The following CUX1 variants were observed in gnomAD, a reference collection of about 807,000 sequenced individuals.
CUX1 encodes the protein protein CASP.
Under a neutral mutation model 158.8 loss-of-function variants are expected in CUX1, and 31 were observed. That is an observed-to-expected ratio of 0.20 (90% CI 0.15 to 0.26). The LOEUF is 0.26. Among genes scored for constraint, CUX1 ranks in the 10% least tolerant of loss-of-function variants. The pLI is 1.00. For missense variants in CUX1, 1,589 were observed against 2,014.6 expected, an observed-to-expected ratio of 0.79 and a Z score of 4.04; for synonymous variants, 879 against 862.1, an observed-to-expected ratio of 1.02 and a Z score of -0.34.
intron 1 of CUX1, among the ~76,000 whole-genome samples, chr7:101,855,428 G>A (rs983955374): frequency 1.3e-5 from 2 of 152,204 alleles, no homozygotes; most frequent in Non-Finnish European, 1.5e-5. Context: ...TTTCTCATAG[G>A]TTGATAAGGA....
intron 2 of CUX1, among the ~76,000 whole-genome samples, chr7:102,013,547 G>A (rs1216878441): frequency 6.6e-6 from 1 of 152,136 alleles, no homozygotes; most frequent in African/African-American, 2.4e-5. Flanking sequence ...GTATTCAAAA[G>A]GCAGTTATTG....
Position 102,254,054 on chromosome 7 carries a change from C to T in CUX1, c.*5012C>T. 5.1e-6 allele frequency: 5 copies of T among 985,510 alleles called. No homozygotes were observed. The highest frequency in any genetic ancestry group is 6.0e-6 in the Non-Finnish European group (5 of 829,980). The allele number at this position is 985,510 out of a possible 1,614,324, so 61.0% of individuals were successfully genotyped here. On this transcript the variant is annotated 3_prime_UTR_variant, in exon 24 of 24. Transcript: ENST00000292535. ...GCAGCAGACACGAACATCCCTCTGCCTGGTGGGCCGGCTTTGTGTGTCTCT... is the reference window on the plus strand; with the variant it reads ...GCAGCAGACACGAACATCCCTCTGCTTGGTGGGCCGGCTTTGTGTGTCTCT...
chr7:102,234,922 C>CAA (rs377426981), intron 22 of CUX1, among the ~76,000 whole-genome samples: 2 of 145,218 alleles, frequency 1.4e-5, no homozygotes, highest in East Asian at 4.0e-4. Flanking sequence ...GACCCTATCT[C>CAA]AAAAAAAAAA....
At chr7:102,103,923 A>C (rs762724556) in intron 5 of CUX1, among the ~76,000 whole-genome samples, 1 of 152,078 alleles carries the variant, frequency 6.6e-6, no homozygotes. Flanking sequence ...AAATGCACAC[A>C]CTATTATGAA....
intron 6 of CUX1, among the ~76,000 whole-genome samples, chr7:102,108,945 G>T (rs1457594374): frequency 2.6e-5 from 4 of 151,992 alleles, no homozygotes; most frequent in African/African-American, 4.8e-5. Context: ...AGTAGAACAG[G>T]ATTTCACCAT....
chr7:101,934,099 AGAG>A (rs1806628633), intron 2 of CUX1, among the ~76,000 whole-genome samples: 1 of 152,214 alleles, frequency 6.6e-6, no homozygotes, highest in South Asian at 2.1e-4. Context: ...GTTAATCAGA[AGAG>A]AAGTTGTTTC....
At chr7:102,039,316 G>A (rs893335257) in intron 3 of CUX1, among the ~76,000 whole-genome samples, 1 of 152,138 alleles carries the variant, frequency 6.6e-6, no homozygotes, top group Non-Finnish European at 1.5e-5. Flanking sequence ...AAGTGCTAAG[G>A]TTGGTGTGCT....
chr7:102,146,333 G>A (rs1338053087), intron 8 of CUX1, among the ~76,000 whole-genome samples: 2 of 152,176 alleles, frequency 1.3e-5, no homozygotes, highest in Admixed American at 1.3e-4. Flanking sequence ...TCACGCTGGG[G>A]TCACACGCTC....
chr7:102,157,134 A>G (rs1338335490), intron 8 of CUX1, among the ~76,000 whole-genome samples: 1 of 152,174 alleles, frequency 6.6e-6, no homozygotes, highest in Non-Finnish European at 1.5e-5. Context: ...GTCCTGAGAA[A>G]GAGTGGCGGG....
chr7:102,076,153 C>G (rs1487324394), intron 4 of CUX1, among the ~76,000 whole-genome samples: 1 of 152,044 alleles, frequency 6.6e-6, no homozygotes, highest in East Asian at 1.9e-4. Context: ...GAGGCCGAAG[C>G]AGGCAGATCA....
At chr7:101,849,537 T>G (rs1218917563) in intron 1 of CUX1, among the ~76,000 whole-genome samples, 2 of 152,182 alleles carry the variant, frequency 1.3e-5, no homozygotes, top group Non-Finnish European at 2.9e-5. Flanking sequence ...TGCATAGTAT[T>G]CTGTGGTGTG....
chr7:102,188,219 G>C (rs1554515853), intron 11 of CUX1, among the ~76,000 whole-genome samples: 1 of 151,440 alleles, frequency 6.6e-6, no homozygotes, highest in Non-Finnish European at 1.5e-5. Context: ...AAAAAAAGAA[G>C]AAGAAGAACA....
intron 23 of CUX1, among the ~76,000 whole-genome samples, chr7:102,242,329 C>T (rs1233477220): frequency 6.6e-6 from 1 of 151,616 alleles, no homozygotes; most frequent in Non-Finnish European, 1.5e-5. Flanking sequence ...CCTGCCTCAG[C>T]CTCCTGAGTA....
At chr7:102,220,431 G>C (rs987199528) in intron 20 of CUX1, among the ~76,000 whole-genome samples, 5 of 152,212 alleles carry the variant, frequency 3.3e-5, no homozygotes, top group African/African-American at 1.2e-4. Context: ...CTCACTCCAG[G>C]CGTAAACCAC....
Position 102,252,173 on chromosome 7 carries a change from G to A in CUX1, c.*3131G>A. 1.0e-6 allele frequency: 1 copy of A among 985,300 alleles called. No individual in the cohort carries two copies. The highest frequency in any genetic ancestry group is 1.2e-6 in the Non-Finnish European group (1 of 829,918). 61.0% of individuals were successfully genotyped at this position (985,300 alleles called of 1,614,324 possible). A position where few individuals can be genotyped will look rare whatever the true frequency, so the allele number is the denominator to read the frequency against. On this transcript the variant is annotated 3_prime_UTR_variant, in exon 24 of 24. Coordinates refer to ENST00000292535, the MANE Select transcript of CUX1 (RefSeq NM_181552.4). The stretch of plus-strand genomic sequence containing the variant: ...ACCTTAGATCTTTGATGTGAAGCTA[G>A]CACTGTCTGTAATACTTCTAAGAGC...
At chr7:102,010,162 G>A (rs1817828121) in intron 2 of CUX1, among the ~76,000 whole-genome samples, 1 of 152,024 alleles carries the variant, frequency 6.6e-6, no homozygotes, top group Non-Finnish European at 1.5e-5. Context: ...CGGAGGCGGG[G>A]GTGGGCAGAT....
chr7:101,884,018 T>A (rs1799978631), intron 1 of CUX1, among the ~76,000 whole-genome samples: 1 of 152,172 alleles, frequency 6.6e-6, no homozygotes, highest in South Asian at 2.1e-4. Flanking sequence ...CTCAGCCTCC[T>A]GAGTAGCTGG....
intron 6 of CUX1, among the ~76,000 whole-genome samples, chr7:102,105,485 G>T (rs1308465004): frequency 2.0e-5 from 3 of 147,664 alleles, no homozygotes; most frequent in African/African-American, 7.5e-5. Context: ...TTGAGCTTAC[G>T]GATCCCAACC....
At chr7:101,846,243 T>C (rs1795674987) in intron 1 of CUX1, among the ~76,000 whole-genome samples, 1 of 152,236 alleles carries the variant, frequency 6.6e-6, no homozygotes, top group African/African-American at 2.4e-5. Flanking sequence ...ATGGCCCAGC[T>C]GCCAGGGCTG....
Sources: allele counts gnomAD v4.1 joint callset (sites outside exome capture counted in the v4.1 genomes callset), GRCh38; gene constraint gnomAD v4.1.1; transcripts MANE v1.5; gene names NCBI Gene and HGNC (gene_info 2026-07-23, HGNC 2026-07-21).